MUC12: variants seen among roughly 807,000 people sequenced by gnomAD.
MUC12 encodes mucin-12.
A neutral mutation model predicts 230.8 loss-of-function variants in MUC12; 172 were observed. The observed-to-expected ratio is 0.75, with a 90% confidence interval of 0.66 to 0.85. The LOEUF (loss-of-function observed/expected upper bound fraction) is 0.85. MUC12 is among the 40% of genes least tolerant of loss of function. The probability of loss-of-function intolerance (pLI) is 0.00; values close to 1 mark genes in which losing one functional copy is unlikely to be tolerated. For missense variants in MUC12, 3,506 were observed against 5,920.6 expected, an observed-to-expected ratio of 0.59 and a Z score of 13.38; for synonymous variants, 1,259 against 2,401.9, an observed-to-expected ratio of 0.52 and a Z score of 13.91.
chr7:101,005,508 C>G lies in MUC12; in HGVS notation c.14945C>G (p.Thr4982Ser). The G allele has an allele frequency of 6.5e-7, 1 of 1,536,718 alleles. No individual in the cohort carries two copies. Among genetic ancestry groups the G allele is most frequent in the Non-Finnish European group, 8.7e-7 (1 of 1,146,304 alleles). ...STIVSTESLE[T>S]LAPGLCQEGQ... ...ATTGTGTCTACTGAAAGCCTGGAAACCTTAGCACCAGGTACTGCTCTTTCC... is the reference window on the plus strand; with the variant it reads ...ATTGTGTCTACTGAAAGCCTGGAAAGCTTAGCACCAGGTACTGCTCTTTCC... Residue 4982 changes from threonine to serine, a missense_variant, in exon 2 of 12, where the codon ACC becomes AGC. Thr to Ser is a moderately conservative substitution (Grantham distance 58, BLOSUM62 1). Transcript: ENST00000536621.
Position 101,018,832 on chromosome 7 carries a change from A to T in MUC12, c.*196A>T. On this transcript the variant is annotated 3_prime_UTR_variant, in exon 12 of 12. Transcript: ENST00000536621. ...AAGGCTGGGGGCTGTAAGCCTCTCC[A>T]TCCGGGAGCTTCCAGACTCCCAGAA... 2.0e-6 allele frequency: 1 copy of T among 508,784 alleles called. No homozygotes were observed. Among genetic ancestry groups the T allele is most frequent in the Non-Finnish European group, 3.3e-6 (1 of 303,354 alleles). 31.5% of individuals were successfully genotyped at this position (508,784 alleles called of 1,614,324 possible). A position where few individuals can be genotyped will look rare whatever the true frequency, so the allele number is the denominator to read the frequency against.
At chr7:101,006,423 G>C in intron 2 of MUC12, 48 bp from the exon 3 acceptor site, 4 of 1,351,508 alleles carry the variant, frequency 3.0e-6, no homozygotes, top group Non-Finnish European at 3.1e-6. Context: ...GCGTGTTTTT[G>C]CTCTTTGGGC....
chr7:100,990,727 C>T lies in MUC12; in HGVS notation c.164C>T (p.Ser55Leu). The T allele has an allele frequency of 6.5e-7, 1 of 1,537,920 alleles. No individual in the cohort carries two copies. Among genetic ancestry groups the T allele is most frequent in the Non-Finnish European group, 8.7e-7 (1 of 1,147,068 alleles). Residue 55 changes from serine (S) to leucine (L), a missense_variant, in exon 2 of 12, where the codon TCA becomes TTA. Coordinates refer to ENST00000536621, the MANE Select transcript of MUC12 (RefSeq NM_001164462.2). ...ACCACCTTTAGTGACTATGGGGTGTCAGTCACATTTATCACGGGCTCAACT... is the reference window on the plus strand; with the variant it reads ...ACCACCTTTAGTGACTATGGGGTGTTAGTCACATTTATCACGGGCTCAACT... ...PFTTFSDYGV[S>L]VTFITGSTAT... is the part of the protein sequence containing the mutation.
Position 101,018,583 on chromosome 7 carries a change from C to T in MUC12, c.15967-12C>T, listed in dbSNP as rs900817210. ...TGCCCCTTGGCCTCACCTCTTCTCTCCCGTCCCCCAGCTCCACATCCAGAG... is the reference window on the plus strand; with the variant it reads ...TGCCCCTTGGCCTCACCTCTTCTCTTCCGTCCCCCAGCTCCACATCCAGAG... On this transcript the variant is annotated splice_polypyrimidine_tract_variant and intron_variant, in intron 11 of 11. Transcript: ENST00000536621. 3.3e-6 allele frequency: 5 copies of T among 1,536,066 alleles called. No individual in the cohort carries two copies. The African/African-American group carries it at 5.5e-5, about 17-fold the overall frequency.
chr7:100,982,918 A>T (rs935395769), intron 1 of MUC12, among the ~76,000 whole-genome samples: 4 of 151,174 alleles, frequency 2.6e-5, no homozygotes, highest in Non-Finnish European at 4.4e-5. Context: ...ATTTTTTTGT[A>T]AAGACAGGAT....
rs1258250761 is a variant in MUC12, at chr7:100,992,550, G to A, written c.1987G>A (p.Gly663Ser). Residue 663 changes from glycine to serine, a missense_variant, in exon 2 of 12, where the codon GGC (glycine) becomes AGC (serine). Physicochemically the swap from Gly to Ser is moderately conservative, Grantham distance 56. Coordinates refer to ENST00000536621, the MANE Select transcript of MUC12 (RefSeq NM_001164462.2). ...AFVEPSTTSHGSPSSIPTTHI... is the reference protein window; with the variant it reads ...AFVEPSTTSHSSPSSIPTTHI... The stretch of plus-strand genomic sequence containing the variant: ...TGTTGAGCCATCTACAACCTCCCAC[G>A]GCAGCCCGAGCTCAATTCCAACAAC... The A allele has an allele frequency of 5.3e-5, 81 of 1,537,698 alleles. No homozygotes were observed. The highest frequency in any genetic ancestry group is 1.7e-4 in the Middle Eastern group (1 of 5,992).
intron 1 of MUC12, among the ~76,000 whole-genome samples, chr7:100,985,727 T>C (rs1193622849): frequency 6.6e-6 from 1 of 152,084 alleles, no homozygotes; most frequent in Non-Finnish European, 1.5e-5. Context: ...CTGAGGATTG[T>C]GGTGGCCTCT....
chr7:101,006,877 A>C (rs1294911770), intron 3 of MUC12, among the ~76,000 whole-genome samples: 3 of 152,238 alleles, frequency 2.0e-5, no homozygotes, highest in Non-Finnish European at 4.4e-5. Flanking sequence ...TAATAATCAC[A>C]GCATGGAGAA....
Position 100,990,866 on chromosome 7 carries a change from A to T in MUC12, c.303A>T (p.Ala101=). ...TGTTLFPSHS[A]TSVFVGEPKT... The stretch of plus-strand genomic sequence containing the variant: ...CAACACTCTTCCCTTCCCACTCTGC[A>T]ACCTCAGTTTTTGTTGGAGAACCTA... Residue 101 remains alanine, a synonymous_variant, in exon 2 of 12, where the codon GCA becomes GCT. Transcript: ENST00000536621. 8.5e-6 allele frequency: 13 copies of T among 1,537,854 alleles called. No homozygotes were observed. The highest frequency in any genetic ancestry group is 1.1e-5 in the Non-Finnish European group (13 of 1,147,046).
intron 11 of MUC12, 117 bp downstream of exon 11, chr7:101,017,780 T>TCCCTTCCCCCTGGGAC: frequency 3.6e-6 from 2 of 558,306 alleles, no homozygotes; most frequent in Non-Finnish European, 5.5e-6. Context: ...TGGGACTCCC[T>TCCCTTCCCCCTGGGAC]CCCTTCCCCC....
chr7:101,015,758 TGC>T, intron 10 of MUC12, 67 bp downstream of exon 10: 1 of 1,416,040 alleles, frequency 7.1e-7, no homozygotes, highest in Non-Finnish European at 9.6e-7. Flanking sequence ...GCGGTGCCTG[TGC>T]CTGTGGGGGT....
chr7:100,992,062 C>T lies in MUC12; in HGVS notation c.1499C>T (p.Pro500Leu), dbSNP rs1247107543. The T allele has an allele frequency of 3.3e-6, 5 of 1,537,214 alleles. No individual in the cohort carries two copies. The African/African-American group carries it at 5.5e-5, about 17-fold the overall frequency. The change falls in exon 2 of 12, where the codon CCC (proline) becomes CTC (leucine). Residue 500 changes from proline to leucine, a missense_variant. Transcript: ENST00000536621. ...SEKSTTFYSS[P>L]RSPDTTHLPA... Reference sequence around the variant, plus strand: ...AAATCTACCACTTTCTACAGTAGCCCCAGATCACCAGACACAACACACTTA... The same window carrying T: ...AAATCTACCACTTTCTACAGTAGCCTCAGATCACCAGACACAACACACTTA...
chr7:100,979,740 C>A (rs1002601159), intron 1 of MUC12, among the ~76,000 whole-genome samples: 1 of 151,872 alleles, frequency 6.6e-6, no homozygotes, highest in Non-Finnish European at 1.5e-5. Context: ...CACGCCACTG[C>A]GCTCCAGCCT....
In MUC12 at chr7:100,991,337, G is replaced by A. The variant is rs773849738; in HGVS notation, c.774G>A (p.Ser258=). The A allele has an allele frequency of 1.7e-5, 26 of 1,537,262 alleles. No homozygotes were observed. Among genetic ancestry groups the A allele is most frequent in the East Asian group, 2.4e-5 (1 of 40,892 alleles). The change falls in exon 2 of 12, where the codon TCG becomes TCA. Residue 258 remains serine, a synonymous_variant. Transcript: ENST00000536621. ...ASTPVHSSTG[S]PHTTLSPSSS... is the part of the protein sequence containing the mutation. ...CGCCCGTCCACAGCAGCACTGGATCGCCACACACAACACTGTCCCCTTCCA... is the reference window on the plus strand; with the variant it reads ...CGCCCGTCCACAGCAGCACTGGATCACCACACACAACACTGTCCCCTTCCA...
chr7:100,978,935 A>G (rs1793067508), intron 1 of MUC12, among the ~76,000 whole-genome samples: 1 of 152,110 alleles, frequency 6.6e-6, no homozygotes, highest in African/African-American at 2.4e-5. Context: ...TCAGCCTCTC[A>G]AGTAGCTGGG....
chr7:101,000,960 TC>T lies in MUC12; in HGVS notation c.10399del (p.His3467ThrfsTer259). 6.6e-7 allele frequency: 1 copy of T among 1,524,294 alleles called. No homozygotes were observed. Among genetic ancestry groups the T allele is most frequent in the Non-Finnish European group, 8.8e-7 (1 of 1,139,132 alleles). The allele number at this position is 1,524,294 out of a possible 1,614,324, so 94.4% of individuals were successfully genotyped here. On this transcript the variant is annotated frameshift_variant, in exon 2 of 12. Coordinates refer to ENST00000536621, the MANE Select transcript of MUC12 (RefSeq NM_001164462.2). LOFTEE classifies it high-confidence loss of function. ...TPGLSEKSTT[F>X]HSSPRSPATT... Reference sequence around the variant, plus strand: ...GGCCTCAGTGAGAAATCTACCACTTTCCACAGTAGCCCCAGATCACCAGCCA... The same window carrying T: ...GGCCTCAGTGAGAAATCTACCACTTTCACAGTAGCCCCAGATCACCAGCCA...
Position 101,004,458 on chromosome 7 carries a change from C to T in MUC12, c.13895C>T (p.Thr4632Ile). 1 of 1,528,214 alleles carries T rather than the reference C, an allele frequency of 6.5e-7. No individual in the cohort carries two copies. The highest frequency in any genetic ancestry group is 1.2e-5 in the South Asian group (1 of 83,372). The allele number at this position is 1,528,214 out of a possible 1,614,324, so 94.7% of individuals were successfully genotyped here. ...TCAGGTCGTAGTGAAGAATCAAGAA[C>T]TTCCCACAGCAGCACAACACACACA... ...TASGRSEESR[T>I]SHSSTTHTIS... The change falls in exon 2 of 12, where the codon ACT (threonine) becomes ATT (isoleucine). Residue 4632 changes from threonine to isoleucine, a missense_variant. Physicochemically the swap from Thr to Ile is moderately conservative, Grantham distance 89 (BLOSUM62 -1). Coordinates refer to ENST00000536621, the MANE Select transcript of MUC12 (RefSeq NM_001164462.2).
chr7:101,015,766 G>C, intron 10 of MUC12, 75 bp downstream of exon 10: 1 of 1,286,376 alleles, frequency 7.8e-7, no homozygotes, highest in South Asian at 1.3e-5. Flanking sequence ...TGTGCCTGTG[G>C]GGGTGACGTG....
rs533760849 is a variant in MUC12 at position 100,981,866 on chromosome 7, C to CTT, written c.68-8748_68-8747dup. Among the ~76,000 whole-genome samples, 275 of 124,834 alleles carry CTT rather than the reference C, an allele frequency of 2.2e-3. 3 individuals carry two copies. Among genetic ancestry groups the CTT allele is most frequent in the South Asian group, 4.6e-3 (16 of 3,476 alleles). 81.9% of individuals were successfully genotyped at this position (124,834 alleles called of 152,430 possible). ...GGCTTCCAGGGCACAGCTGCTGCTGCTTTTTTTTTTTTTTTTTTGAGACGG... is the reference window on the plus strand; with the variant it reads ...GGCTTCCAGGGCACAGCTGCTGCTGCTTTTTTTTTTTTTTTTTTTTGAGACGG... On this transcript the variant is annotated intron_variant, in intron 1 of 11. Coordinates refer to ENST00000536621, the MANE Select transcript of MUC12 (RefSeq NM_001164462.2).
Sources: gnomAD v4.1 joint callset for allele counts (sites outside exome capture counted in the v4.1 genomes callset) on GRCh38, gnomAD v4.1.1 for gene constraint, MANE v1.5 for transcripts, NCBI Gene and HGNC (gene_info 2026-07-23, HGNC 2026-07-21) for gene names.